The following TTC3 variants were observed in gnomAD, a reference collection of about 807,000 sequenced individuals.
TTC3 encodes E3 ubiquitin-protein ligase TTC3.
TTC3 carries 180 observed loss-of-function variants against 249.6 expected under a neutral mutation model. That is an observed-to-expected ratio of 0.72 (90% confidence interval 0.64 to 0.82). The LOEUF (loss-of-function observed/expected upper bound fraction) is 0.82. Among genes scored for constraint, TTC3 ranks in the 40% least tolerant of loss-of-function variants. The pLI, the probability that TTC3 is intolerant of heterozygous loss-of-function variation, is 0.00. For synonymous variants in TTC3, 717 were observed against 805.0 expected (o/e 0.89, Z 1.85); for missense variants, 2,061 against 2,398.4 (o/e 0.86, Z 2.94).
chr21:37,184,629 A>ATT (rs765134090), intron 36 of TTC3, among the ~76,000 whole-genome samples: 2,000 of 121,520 alleles, frequency 0.016, 42 homozygotes, highest in East Asian at 0.038. Flanking sequence ...TAATTTTTCT[A>ATT]TTTTTTTTTT....
At chr21:37,112,096 G>C (rs568253602) in intron 11 of TTC3, among the ~76,000 whole-genome samples, 1 of 152,126 alleles carries the variant, frequency 6.6e-6, no homozygotes, top group South Asian at 2.1e-4. Context: ...AGAGAAAGCA[G>C]GAAAGATCTA....
chr21:37,194,673 T>C (rs2084648267), intron 41 of TTC3: 1 of 152,146 alleles, frequency 6.6e-6, no homozygotes, highest in Non-Finnish European at 1.5e-5. Context: ...ACCCATGATA[T>C]TGTGAAGAAG....
At chr21:37,134,488 A>G (rs2041175614) in intron 17 of TTC3, among the ~76,000 whole-genome samples, 1 of 151,650 alleles carries the variant, frequency 6.6e-6, no homozygotes, top group South Asian at 2.1e-4. Context: ...TTAATGGGTA[A>G]CCAAACTGCT....
At chr21:37,151,751 A>C (rs1601812540) in intron 25 of TTC3, 142 bp from the exon 26 acceptor site, 2 of 924,634 alleles carry the variant, frequency 2.2e-6, no homozygotes, top group East Asian at 5.9e-5. Context: ...CAATACTGAC[A>C]GTTTCTTACA....
At chr21:37,198,875 T>C (rs753276966) in intron 44 of TTC3, among the ~76,000 whole-genome samples, 4 of 152,220 alleles carry the variant, frequency 2.6e-5, no homozygotes, top group Non-Finnish European at 5.9e-5. Flanking sequence ...GTGGTTGTCC[T>C]TTTTTTCTTT....
At chr21:37,159,001 C>T (rs925065409) in intron 28 of TTC3, among the ~76,000 whole-genome samples, 2 of 152,156 alleles carry the variant, frequency 1.3e-5, no homozygotes, top group African/African-American at 4.8e-5. Flanking sequence ...TCTAGAACAT[C>T]TGTCTAACAT....
At chr21:37,124,731 C>G (rs749434425) in exon 14 of TTC3, 3 of 1,611,814 alleles carry the variant, frequency 1.9e-6, no homozygotes, top group Admixed American at 3.3e-5. Context: ...CGGTGGTAAT[C>G]AGAATCTAAA....
At chr21:37,114,198 T>C (rs551770707) in intron 11 of TTC3, among the ~76,000 whole-genome samples, 2 of 152,028 alleles carry the variant, frequency 1.3e-5, no homozygotes, top group South Asian at 2.1e-4. Flanking sequence ...GGGATCTAAT[T>C]AAACTAAAGA....
intron 8 of TTC3, 91 bp downstream of exon 8, chr21:37,094,181 C>A (rs768124892): frequency 5.2e-6 from 3 of 581,254 alleles, no homozygotes; most frequent in Non-Finnish European, 8.4e-6. Flanking sequence ...TGACAATATA[C>A]AATTCATAAA....
chr21:37,092,822 AAATATCCTTTT>A (rs2073446290), intron 7 of TTC3, among the ~76,000 whole-genome samples: 1 of 152,150 alleles, frequency 6.6e-6, no homozygotes, highest in Non-Finnish European at 1.5e-5. Flanking sequence ...TGCCACTTTA[AAATATCCTTTT>A]TATATAATAG....
At chr21:37,101,422 T>G (rs1056512628) in intron 10 of TTC3, 2 of 132,636 alleles carry the variant, frequency 1.5e-5, no homozygotes, top group East Asian at 4.5e-4. Context: ...TGCCCTCTGG[T>G]GTGTGCTCTT....
chr21:37,172,481 A>C (rs1291482823), intron 34 of TTC3, 114 bp from the exon 35 acceptor site: 1 of 1,232,264 alleles, frequency 8.1e-7, no homozygotes, highest in Non-Finnish European at 1.1e-6. Flanking sequence ...TTCCCTTGTA[A>C]ATTTTCATCT....
At chr21:37,111,003 C>T (rs1330806999) in intron 11 of TTC3, among the ~76,000 whole-genome samples, 4 of 152,150 alleles carry the variant, frequency 2.6e-5, no homozygotes, top group Non-Finnish European at 5.9e-5. Flanking sequence ...CAAGCAAATG[C>T]TGAGAGATTT....
chr21:37,169,199 C>A (rs1042905247), intron 34 of TTC3, among the ~76,000 whole-genome samples: 1 of 152,100 alleles, frequency 6.6e-6, no homozygotes, highest in African/African-American at 2.4e-5. Context: ...TAATTTGAAA[C>A]TAGACAAATT....
At chr21:37,161,863 G>T in intron 30 of TTC3, 127 bp from the exon 31 acceptor site, 1 of 541,330 alleles carries the variant, frequency 1.8e-6, no homozygotes, top group Non-Finnish European at 3.1e-6. Flanking sequence ...AAGAAAATTT[G>T]GATAGATCTT....
intron 11 of TTC3, among the ~76,000 whole-genome samples, chr21:37,119,873 A>C (rs1365273744): frequency 6.6e-6 from 1 of 152,100 alleles, no homozygotes; most frequent in Non-Finnish European, 1.5e-5. Flanking sequence ...GACTTTTACC[A>C]TGTAGTGGGA....
intron 10 of TTC3, among the ~76,000 whole-genome samples, chr21:37,104,187 C>T (rs1280679927): frequency 6.6e-6 from 1 of 152,132 alleles, no homozygotes; most frequent in African/African-American, 2.4e-5. Context: ...ACGTTTCTGC[C>T]TTAAGCAGCA....
chr21:37,199,110 C>T (rs1004610387), intron 44 of TTC3, among the ~76,000 whole-genome samples: 3 of 152,176 alleles, frequency 2.0e-5, no homozygotes, highest in African/African-American at 4.8e-5. Context: ...GCCCCATCTC[C>T]TCCTGGGCCG....
At chr21:37,192,743 C>T (rs1199921484) in intron 41 of TTC3, among the ~76,000 whole-genome samples, 3 of 152,088 alleles carry the variant, frequency 2.0e-5, no homozygotes, top group Non-Finnish European at 1.5e-5. Context: ...TTTGTTGGTC[C>T]GGCACATCAT....
Sources: allele counts gnomAD v4.1 joint callset (sites outside exome capture counted in the v4.1 genomes callset), GRCh38; gene constraint gnomAD v4.1.1; transcripts MANE v1.5; gene names NCBI Gene and HGNC (gene_info 2026-07-23, HGNC 2026-07-21).